The following DLGAP2 variants were observed in gnomAD, a reference collection of about 807,000 sequenced individuals.
DLGAP2 encodes DLG associated protein 2.
Under a neutral mutation model 100.3 loss-of-function variants are expected in DLGAP2, and 26 were observed. That is an observed-to-expected ratio of 0.26 (90% CI 0.19 to 0.36). The LOEUF is 0.36. DLGAP2 is among the 10% of genes least tolerant of loss of function. The probability of loss-of-function intolerance (pLI) is 1.00; values close to 1 mark genes in which losing one functional copy is unlikely to be tolerated. For synonymous variants in DLGAP2, 886 were observed against 630.1 expected (o/e 1.41, Z -6.08); for missense variants, 1,858 against 1,453.2 (o/e 1.28, Z -4.53).
chr8:1,177,759 G>C (rs1244527622), intron 2 of DLGAP2, among the ~76,000 whole-genome samples: 1 of 152,108 alleles, frequency 6.6e-6, no homozygotes, highest in Admixed American at 6.5e-5. Flanking sequence ...GCTGCTTCCT[G>C]GTGTGTAGAC....
chr8:977,429 A>G (rs945308434), intron 2 of DLGAP2, among the ~76,000 whole-genome samples: 3 of 152,210 alleles, frequency 2.0e-5, no homozygotes, highest in Admixed American at 6.5e-5. Context: ...TGTGAGGTCA[A>G]AACTAGGTTT....
At chr8:1,527,315 C>A (rs1011005137) in intron 4 of DLGAP2, among the ~76,000 whole-genome samples, 1 of 152,262 alleles carries the variant, frequency 6.6e-6, no homozygotes, top group African/African-American at 2.4e-5. Flanking sequence ...CAGCCAGAGG[C>A]CCTTGCCCAC....
At chr8:1,113,428 T>C (rs1805021821) in intron 2 of DLGAP2, among the ~76,000 whole-genome samples, 1 of 152,226 alleles carries the variant, frequency 6.6e-6, no homozygotes, top group Non-Finnish European at 1.5e-5. Context: ...CCTTGTCAGC[T>C]GCATTCCTAG....
chr8:1,414,483 G>T (rs899206971), intron 3 of DLGAP2, among the ~76,000 whole-genome samples: 5 of 152,216 alleles, frequency 3.3e-5, no homozygotes, highest in African/African-American at 1.2e-4. Context: ...CAGGCCGGGG[G>T]TCCCAGTGCA....
At chr8:1,365,024 C>T (rs1802077336) in intron 3 of DLGAP2, among the ~76,000 whole-genome samples, 1 of 152,168 alleles carries the variant, frequency 6.6e-6, no homozygotes. Flanking sequence ...ACACGCACAG[C>T]TAGGAAGAGC....
chr8:758,432 C>A (rs947092079), intron 1 of DLGAP2, among the ~76,000 whole-genome samples: 3 of 152,178 alleles, frequency 2.0e-5, no homozygotes, highest in South Asian at 4.1e-4. Flanking sequence ...ATAAAAGTAA[C>A]ATTTGCGTAT....
At chr8:1,472,360 C>A (rs1276622160) in intron 3 of DLGAP2, among the ~76,000 whole-genome samples, 1 of 152,198 alleles carries the variant, frequency 6.6e-6, no homozygotes, top group African/African-American at 2.4e-5. Context: ...TCTGGTAAAT[C>A]CCAAAGCGGG....
At chr8:1,043,767 G>A (rs1802439893) in intron 2 of DLGAP2, among the ~76,000 whole-genome samples, 1 of 152,046 alleles carries the variant, frequency 6.6e-6, no homozygotes. Flanking sequence ...TCTGTGCATG[G>A]GGTAAGTTAA....
chr8:1,290,195 A>C (rs1438591415), intron 3 of DLGAP2, among the ~76,000 whole-genome samples: 1 of 152,212 alleles, frequency 6.6e-6, no homozygotes, highest in Non-Finnish European at 1.5e-5. Flanking sequence ...CTAGTCAGCT[A>C]GACTCGAACA....
intron 2 of DLGAP2, among the ~76,000 whole-genome samples, chr8:1,099,705 C>T (rs1197695399): frequency 6.6e-6 from 1 of 152,220 alleles, no homozygotes; most frequent in African/African-American, 2.4e-5. Flanking sequence ...AATTGGTTTA[C>T]TTACTAAAAG....
At chr8:1,181,517 GA>G (rs1797387406) in intron 2 of DLGAP2, among the ~76,000 whole-genome samples, 1 of 151,962 alleles carries the variant, frequency 6.6e-6, no homozygotes, top group Non-Finnish European at 1.5e-5. Context: ...CACCGAGAGG[GA>G]CAACATACAC....
At chr8:1,082,856 A>G (rs1803856981) in intron 2 of DLGAP2, among the ~76,000 whole-genome samples, 1 of 152,222 alleles carries the variant, frequency 6.6e-6, no homozygotes, top group African/African-American at 2.4e-5. Flanking sequence ...ACCATTTAAA[A>G]TGAGGATGGG....
chr8:1,326,781 T>A (rs1050206061), intron 3 of DLGAP2, among the ~76,000 whole-genome samples: 6 of 152,260 alleles, frequency 3.9e-5, no homozygotes, highest in African/African-American at 1.4e-4. Context: ...TTCACAGCTG[T>A]TTCCATCTCT....
intron 2 of DLGAP2, among the ~76,000 whole-genome samples, chr8:1,164,444 C>G (rs911588332): frequency 6.7e-6 from 1 of 149,678 alleles, no homozygotes; most frequent in African/African-American, 2.5e-5. Context: ...ATGTGAAAGT[C>G]TGGAGGCGAT....
intron 4 of DLGAP2, among the ~76,000 whole-genome samples, chr8:1,538,853 C>T (rs904850290): frequency 6.6e-6 from 1 of 150,746 alleles, no homozygotes; most frequent in Non-Finnish European, 1.5e-5. Flanking sequence ...CCCTGAGGCA[C>T]AGCCCCTCGT....
intron 2 of DLGAP2, among the ~76,000 whole-genome samples, chr8:1,256,685 G>C (rs1221249304): frequency 3.3e-5 from 5 of 152,154 alleles, no homozygotes; most frequent in Non-Finnish European, 5.9e-5. Context: ...TGGAAACTGA[G>C]GGGAAACTGA....
At chr8:1,182,891 A>G (rs1797421357) in intron 2 of DLGAP2, among the ~76,000 whole-genome samples, 2 of 152,128 alleles carry the variant, frequency 1.3e-5, no homozygotes, top group Non-Finnish European at 2.9e-5. Flanking sequence ...AGCGGGGCTC[A>G]GGGGCACTCA....
chr8:1,655,149 C>A (rs1436661713), intron 8 of DLGAP2, among the ~76,000 whole-genome samples: 2 of 152,226 alleles, frequency 1.3e-5, no homozygotes, highest in Non-Finnish European at 2.9e-5. Flanking sequence ...GTGGGACCCA[C>A]ATAATTTCTT....
At chr8:1,013,959 CTGTGTGAGACCAGGACAGACGAT>C (rs1801386541) in intron 2 of DLGAP2, among the ~76,000 whole-genome samples, 1 of 2,308 alleles carries the variant, frequency 4.3e-4, no homozygotes, top group African/African-American at 4.5e-3. Context: ...GACGCCTCCA[CTGTGTGAGACCAGGACAGACGAT>C]GCCTCCACTG....
Sources: allele counts gnomAD v4.1 joint callset (sites outside exome capture counted in the v4.1 genomes callset), GRCh38; gene constraint gnomAD v4.1.1; transcripts MANE v1.5; gene names NCBI Gene and HGNC (gene_info 2026-07-23, HGNC 2026-07-21).